Variants in LGR6 observed in about 807,000 individuals in gnomAD.
The protein encoded by LGR6 is leucine rich repeat containing G protein-coupled receptor 6.
In LGR6, 45 loss-of-function variants were observed where a neutral mutation model predicts 69.4. The observed-to-expected ratio is 0.65, with a 90% CI of 0.51 to 0.83. The LOEUF (loss-of-function observed/expected upper bound fraction) is 0.83, where lower values mean the gene tolerates loss of function less well. Ranked by LOEUF, LGR6 falls within the 40% of genes least tolerant of loss-of-function variation. The pLI is 0.00. For synonymous variants in LGR6, 538 were observed against 555.0 expected (o/e 0.97, Z 0.43); for missense variants, 1,108 against 1,246.7 (o/e 0.89, Z 1.68).
chr1:202,319,330 C>T lies in LGR6; in HGVS notation c.*123C>T, dbSNP rs988215883. On this transcript the variant is annotated 3_prime_UTR_variant, in exon 18 of 18. Coordinates refer to ENST00000367278, the MANE Select transcript of LGR6 (RefSeq NM_001017403.2). ...CAGTGTGATCTATAGCAGGATGGCC[C>T]AGTCCCTGGCTCCACTGATCACCTC... The T allele has an allele frequency of 8.1e-6, 9 of 1,114,938 alleles. No homozygotes were observed. Among genetic ancestry groups the T allele is most frequent in the African/African-American group, 3.2e-5 (2 of 63,230 alleles). 69.1% of individuals were successfully genotyped at this position (1,114,938 alleles called of 1,614,324 possible). A position where few individuals can be genotyped will look rare whatever the true frequency, so the allele number is the denominator to read the frequency against.
chr1:202,301,953 A>C lies in LGR6; in HGVS notation c.929+718A>C, dbSNP rs563758309. 9.1e-4 allele frequency among the ~76,000 whole-genome samples: 138 copies of C among 152,280 alleles called. 1 individual carries two copies. The highest frequency in any genetic ancestry group is 1.5e-3 in the Non-Finnish European group (99 of 68,024). The stretch of plus-strand genomic sequence containing the variant: ...GGACTCGCTTGAACCCGGGAGGCGG[A>C]GGTTACAGTGAGCCGAGATCGCGCC... On this transcript the variant is annotated intron_variant, in intron 9 of 17. Coordinates refer to ENST00000367278, the MANE Select transcript of LGR6 (RefSeq NM_001017403.2).
At chr1:202,227,825 G>T in intron 2 of LGR6, 111 bp from the exon 3 acceptor site, 1 of 732,348 alleles carries the variant, frequency 1.4e-6, no homozygotes. Context: ...TCAATAAATA[G>T]TAGTTTTTAC....
chr1:202,295,872 TGTGTGTGTGTGTGTG>T (rs1434070168), intron 6 of LGR6, among the ~76,000 whole-genome samples: 1 of 5,396 alleles, frequency 1.9e-4, no homozygotes, highest in Non-Finnish European at 5.0e-4. Context: ...GGGTAATTAG[TGTGTGTGTGTGTGTG>T]TGTGTGTGTG....
intron 1 of LGR6, among the ~76,000 whole-genome samples, chr1:202,205,436 C>T (rs377706090): frequency 0.018 from 819 of 46,600 alleles, 2 homozygotes; most frequent in Non-Finnish European, 0.03. Context: ...CTAACACACA[C>T]CTCCTTCAAA....
intron 4 of LGR6, among the ~76,000 whole-genome samples, chr1:202,244,650 C>G (rs1662494782): frequency 6.6e-6 from 1 of 152,134 alleles, no homozygotes; most frequent in Non-Finnish European, 1.5e-5. Context: ...TAGGGCCCAC[C>G]TGGATCATCC....
At chr1:202,239,995 G>A (rs1343774956) in intron 4 of LGR6, among the ~76,000 whole-genome samples, 5 of 152,180 alleles carry the variant, frequency 3.3e-5, no homozygotes, top group Non-Finnish European at 5.9e-5. Flanking sequence ...TGAGGGAGAG[G>A]AGAAGTTGAG....
At chr1:202,275,768 C>T (rs1665494001) in intron 4 of LGR6, among the ~76,000 whole-genome samples, 1 of 152,120 alleles carries the variant, frequency 6.6e-6, no homozygotes, top group South Asian at 2.1e-4. Flanking sequence ...TTTCCCTCTG[C>T]CAATGCTGAG....
At chr1:202,295,327 C>CAAAAAAAA (rs58243962) in intron 6 of LGR6, among the ~76,000 whole-genome samples, 1 of 45,554 alleles carries the variant, frequency 2.2e-5, no homozygotes, top group Non-Finnish European at 4.7e-5. Context: ...GACTCCATCT[C>CAAAAAAAA]AAAAAAAAAA....
chr1:202,228,776 G>A (rs541449904), intron 3 of LGR6, among the ~76,000 whole-genome samples: 83 of 152,316 alleles, frequency 5.4e-4, no homozygotes, highest in Non-Finnish European at 1.0e-3. Flanking sequence ...AGATAGGAGA[G>A]GTTCCCAGGG....
chr1:202,196,497 T>C (rs3010092), intron 1 of LGR6, among the ~76,000 whole-genome samples: 124,100 of 152,102 alleles, frequency 0.82, 50,799 homozygotes, highest in South Asian at 0.94. Flanking sequence ...GATGATATAA[T>C]CAGCAGTGCC....
intron 4 of LGR6, among the ~76,000 whole-genome samples, chr1:202,241,838 G>A (rs964465053): frequency 6.6e-6 from 1 of 152,068 alleles, no homozygotes; most frequent in Admixed American, 6.6e-5. Context: ...GATACTCTAG[G>A]GGGGAAATGC....
chr1:202,194,250 G>A (rs368519586), intron 1 of LGR6, 49 bp downstream of exon 1: 1 of 1,382,732 alleles, frequency 7.2e-7, no homozygotes, highest in Non-Finnish European at 9.7e-7. Context: ...CTGCTGGCTA[G>A]CGCCCAGTCC....
intron 1 of LGR6, chr1:202,214,193 A>G (rs1276055665): frequency 1.3e-6 from 2 of 1,536,120 alleles, no homozygotes; most frequent in African/African-American, 1.4e-5. Context: ...CGAGGGCGGG[A>G]CAGAACCTCT....
intron 4 of LGR6, among the ~76,000 whole-genome samples, chr1:202,270,928 G>A (rs1317532687): frequency 6.6e-6 from 1 of 152,182 alleles, no homozygotes; most frequent in African/African-American, 2.4e-5. Flanking sequence ...GGGGGAGTAT[G>A]AGAAGCAGTT....
At chr1:202,295,055 C>T (rs905977129) in intron 6 of LGR6, among the ~76,000 whole-genome samples, 3 of 152,132 alleles carry the variant, frequency 2.0e-5, no homozygotes, top group African/African-American at 7.2e-5. Flanking sequence ...CAGCTGGGCA[C>T]GGTGGCTCAT....
At chr1:202,314,715 A>G (rs1403073430) in intron 16 of LGR6, 87 bp from the exon 17 acceptor site, 5 of 894,100 alleles carry the variant, frequency 5.6e-6, no homozygotes, top group Admixed American at 1.7e-5. Context: ...AGTAAGGGAC[A>G]TCTTAAAGGA....
At chr1:202,310,130 A>T in intron 15 of LGR6, 67 bp from the exon 16 acceptor site, 1 of 1,548,600 alleles carries the variant, frequency 6.5e-7, no homozygotes, top group African/African-American at 1.4e-5. Flanking sequence ...AGATCTCTTA[A>T]ATCAGACTTA....
chr1:202,297,381 C>A (rs568125174), intron 6 of LGR6, 127 bp from the exon 7 acceptor site: 2 of 709,670 alleles, frequency 2.8e-6, no homozygotes, highest in Non-Finnish European at 2.5e-6. Flanking sequence ...AGACATTGGC[C>A]GCTGGATCCA....
At chr1:202,272,337 C>G (rs762674221) in intron 4 of LGR6, among the ~76,000 whole-genome samples, 1 of 152,208 alleles carries the variant, frequency 6.6e-6, no homozygotes, top group African/African-American at 2.4e-5. Context: ...CGTCTCTCTG[C>G]TCATCCCAAA....
Sources: allele counts gnomAD v4.1 joint callset (sites outside exome capture counted in the v4.1 genomes callset), GRCh38; gene constraint gnomAD v4.1.1; transcripts MANE v1.5; gene names NCBI Gene and HGNC (gene_info 2026-07-23, HGNC 2026-07-21).